ERC2: variants seen among roughly 807,000 people sequenced by gnomAD.
ERC2 encodes ERC protein 2.
ERC2 carries 42 observed loss-of-function variants against 114.8 expected under a neutral mutation model. The observed-to-expected ratio is 0.37, with a 90% CI of 0.29 to 0.47. The LOEUF (loss-of-function observed/expected upper bound fraction) is 0.47, where lower values mean the gene tolerates loss of function less well. Ranked by LOEUF, ERC2 falls within the 20% of genes least tolerant of loss-of-function variation. ERC2 has a pLI of 0.99. For missense variants in ERC2, 939 were observed against 1,150.7 expected (o/e 0.82, Z 2.66); for synonymous variants, 454 against 425.5 (o/e 1.07, Z -0.82).
At chr3:55,674,937 A>T (rs2061717405) in intron 17 of ERC2, among the ~76,000 whole-genome samples, 1 of 152,172 alleles carries the variant, frequency 6.6e-6, no homozygotes, top group Non-Finnish European at 1.5e-5. Flanking sequence ...TCTTAGGCTG[A>T]AAGAAATGGC....
intron 7 of ERC2, among the ~76,000 whole-genome samples, chr3:56,048,627 A>T (rs1164708417): frequency 6.6e-6 from 1 of 152,200 alleles, no homozygotes; most frequent in African/African-American, 2.4e-5. Context: ...AGAAAATCAA[A>T]GCATCTTCCT....
intron 17 of ERC2, among the ~76,000 whole-genome samples, chr3:55,587,903 A>C (rs1385405111): frequency 6.6e-6 from 1 of 152,234 alleles, no homozygotes; most frequent in African/African-American, 2.4e-5. Context: ...CCACTTACAC[A>C]GGGTCAACCT....
chr3:56,319,090 C>G (rs989881318), intron 2 of ERC2, among the ~76,000 whole-genome samples: 1 of 151,042 alleles, frequency 6.6e-6, no homozygotes, highest in African/African-American at 2.4e-5. Flanking sequence ...GTTTCCAAAA[C>G]TAAATTAAAT....
intron 15 of ERC2, among the ~76,000 whole-genome samples, chr3:55,730,208 C>G (rs1191254392): frequency 6.6e-6 from 1 of 152,118 alleles, no homozygotes; most frequent in Non-Finnish European, 1.5e-5. Flanking sequence ...CAACGCTGCA[C>G]CAGATATGAG....
Position 56,391,231 on chromosome 3 carries a change from G to A in ERC2, c.657+43120C>T, listed in dbSNP as rs540640997. 7.7e-3 allele frequency among the ~76,000 whole-genome samples: 1,177 copies of A among 152,282 alleles called. 7 individuals are homozygous for A. The highest frequency in any genetic ancestry group is 0.012 in the Non-Finnish European group (820 of 68,006). Reference sequence around the variant, plus strand: ...TCCACTGAAAGACTGTCATAAGAAGGAGGAGGCTGAATTTCCTGCTGTGCC... The same window carrying A: ...TCCACTGAAAGACTGTCATAAGAAGAAGGAGGCTGAATTTCCTGCTGTGCC... On this transcript the variant is annotated intron_variant, in intron 2 of 17. Transcript: ENST00000288221.
At chr3:55,746,493 C>T (rs573703806) in intron 14 of ERC2, among the ~76,000 whole-genome samples, 8 of 152,182 alleles carry the variant, frequency 5.3e-5, no homozygotes, top group Middle Eastern at 3.4e-3. Flanking sequence ...CTCAGGTGAT[C>T]GGCCTCCCAA....
At chr3:56,330,440 C>T (rs189770504) in intron 2 of ERC2, among the ~76,000 whole-genome samples, 41 of 152,234 alleles carry the variant, frequency 2.7e-4, no homozygotes, top group African/African-American at 9.9e-4. Context: ...TAGGAGGATG[C>T]TAAACATTGG....
chr3:55,708,639 T>C (rs1009551250), intron 15 of ERC2, among the ~76,000 whole-genome samples: 6 of 152,210 alleles, frequency 3.9e-5, no homozygotes, highest in African/African-American at 1.4e-4. Flanking sequence ...ACTCTTCTAC[T>C]ACAGTGTGGA....
intron 14 of ERC2, among the ~76,000 whole-genome samples, chr3:55,772,133 CATTTA>C (rs1274310346): frequency 6.6e-6 from 1 of 152,062 alleles, no homozygotes; most frequent in Admixed American, 6.6e-5. Flanking sequence ...TTAGAATTAC[CATTTA>C]TTTTATTAAT....
At chr3:56,440,064 C>T (rs1346300675) in intron 1 of ERC2, among the ~76,000 whole-genome samples, 7 of 152,110 alleles carry the variant, frequency 4.6e-5, no homozygotes, top group African/African-American at 1.7e-4. Context: ...TTCTAATTGG[C>T]TTATTAGTTT....
intron 2 of ERC2, among the ~76,000 whole-genome samples, chr3:56,424,637 GT>G (rs2061500307): frequency 6.6e-6 from 1 of 152,280 alleles, no homozygotes; most frequent in East Asian, 1.9e-4. Context: ...ACCAAAAGAA[GT>G]TTTCACTCAT....
intron 7 of ERC2, among the ~76,000 whole-genome samples, chr3:56,059,866 C>T (rs1413759756): frequency 6.6e-6 from 1 of 152,158 alleles, no homozygotes; most frequent in Non-Finnish European, 1.5e-5. Context: ...TACAAACATG[C>T]AGATTCTGAG....
chr3:55,607,881 T>G (rs937616035), intron 17 of ERC2: 2 of 152,150 alleles, frequency 1.3e-5, no homozygotes, highest in Non-Finnish European at 2.9e-5. Flanking sequence ...ACCCTTGGTG[T>G]TGACGTCTAA....
intron 7 of ERC2, among the ~76,000 whole-genome samples, chr3:56,046,939 C>A (rs1351060321): frequency 6.6e-6 from 1 of 152,164 alleles, no homozygotes. Context: ...AATAATGATG[C>A]AGGCCCCAGA....
chr3:55,763,505 T>C (rs1023593871), intron 14 of ERC2, among the ~76,000 whole-genome samples: 1 of 152,174 alleles, frequency 6.6e-6, no homozygotes, highest in Non-Finnish European at 1.5e-5. Flanking sequence ...AGAGAGGGAC[T>C]CTGACTCCTG....
chr3:55,659,146 C>T (rs2061007244), intron 17 of ERC2: 1 of 152,218 alleles, frequency 6.6e-6, no homozygotes, highest in Admixed American at 6.5e-5. Flanking sequence ...TTCAAAACAA[C>T]CAAAAGGCGT....
At chr3:55,835,654 G>A (rs981542340) in intron 14 of ERC2, among the ~76,000 whole-genome samples, 4 of 152,050 alleles carry the variant, frequency 2.6e-5, no homozygotes, top group East Asian at 1.9e-4. Context: ...TCATACTGAA[G>A]GGGCAAAAAC....
intron 13 of ERC2, among the ~76,000 whole-genome samples, chr3:55,897,424 T>C (rs189420977): frequency 6.6e-6 from 1 of 152,384 alleles, no homozygotes; most frequent in African/African-American, 2.4e-5. Flanking sequence ...GACAGGCTCT[T>C]CTGAGTTAGG....
intron 14 of ERC2, among the ~76,000 whole-genome samples, chr3:55,883,975 C>G (rs1388533602): frequency 6.6e-6 from 1 of 152,092 alleles, no homozygotes; most frequent in Non-Finnish European, 1.5e-5. Context: ...ATATGTAAAA[C>G]TGGAGAAATT....
Sources: gnomAD v4.1 joint callset for allele counts (sites outside exome capture counted in the v4.1 genomes callset) on GRCh38, gnomAD v4.1.1 for gene constraint, MANE v1.5 for transcripts, NCBI Gene and HGNC (gene_info 2026-07-23, HGNC 2026-07-21) for gene names.